LARGE1: variants seen among roughly 807,000 people sequenced by gnomAD.
The protein encoded by LARGE1 is LARGE xylosyl- and glucuronyltransferase 1.
LARGE1 carries 43 observed loss-of-function variants against 87.6 expected under a neutral mutation model. The ratio of observed to expected loss-of-function variants is 0.49; its 90% CI spans 0.38 to 0.63. LARGE1 has a LOEUF of 0.63. LARGE1 is among the 30% of genes least tolerant of loss of function. The pLI is 0.00. For missense variants in LARGE1, 802 were observed against 1,000.2 expected (o/e 0.80, Z 2.67); for synonymous variants, 434 against 394.6 (o/e 1.10, Z -1.18).
chr22:33,751,801 TC>T (rs2084327154), intron 2 of LARGE1, among the ~76,000 whole-genome samples: 1 of 151,862 alleles, frequency 6.6e-6, no homozygotes, highest in Admixed American at 6.6e-5. Context: ...AGAGTCTTGC[TC>T]TGTTGCCCAG....
chr22:33,411,901 T>C (rs370801581), intron 7 of LARGE1, among the ~76,000 whole-genome samples: 3 of 152,340 alleles, frequency 2.0e-5, no homozygotes, highest in African/African-American at 4.8e-5. Context: ...AATATGCATA[T>C]ATACAGAGAA....
At chr22:33,400,067 C>G (rs1312518639) in intron 7 of LARGE1, among the ~76,000 whole-genome samples, 2 of 152,214 alleles carry the variant, frequency 1.3e-5, no homozygotes, top group African/African-American at 4.8e-5. Flanking sequence ...GCTCAGAAAT[C>G]CATGAAGATG....
chr22:33,209,682 G>A (rs1924859664), intron 11 of LARGE1, among the ~76,000 whole-genome samples: 1 of 152,180 alleles, frequency 6.6e-6, no homozygotes, highest in African/African-American at 2.4e-5. Context: ...GTCTCACTCT[G>A]TCTCTCAGGC....
chr22:33,772,264 C>T (rs2085094489), intron 1 of LARGE1, among the ~76,000 whole-genome samples: 1 of 151,898 alleles, frequency 6.6e-6, no homozygotes, highest in Admixed American at 6.6e-5. Context: ...ACGCAGGAGG[C>T]AGAGCCTGTA....
chr22:33,726,392 A>C (rs1314243591), intron 2 of LARGE1, among the ~76,000 whole-genome samples: 2 of 152,326 alleles, frequency 1.3e-5, no homozygotes, highest in Non-Finnish European at 2.9e-5. Flanking sequence ...ATAAAATTCC[A>C]GGAGGTGTAG....
chr22:33,435,078 T>G (rs2067218462), intron 6 of LARGE1, among the ~76,000 whole-genome samples: 1 of 152,212 alleles, frequency 6.6e-6, no homozygotes, highest in South Asian at 2.1e-4. Flanking sequence ...CTCGGCTCAC[T>G]GCAACCTTCG....
At chr22:33,649,515 G>C (rs73168598) in intron 3 of LARGE1, among the ~76,000 whole-genome samples, 2 of 152,132 alleles carry the variant, frequency 1.3e-5, no homozygotes, top group Non-Finnish European at 1.5e-5. Flanking sequence ...TGGCCATTCT[G>C]TTTAATTCTC....
intron 3 of LARGE1, among the ~76,000 whole-genome samples, chr22:33,631,784 A>G (rs1316321642): frequency 1.3e-5 from 2 of 152,244 alleles, no homozygotes; most frequent in Admixed American, 6.5e-5. Context: ...TATGTACTGT[A>G]CATAATTGCG....
At chr22:33,681,325 T>C (rs192741909) in intron 2 of LARGE1, among the ~76,000 whole-genome samples, 13 of 152,328 alleles carry the variant, frequency 8.5e-5, no homozygotes, top group African/African-American at 2.9e-4. Flanking sequence ...GGCATTGAAA[T>C]GTTAATTCAT....
At chr22:33,624,914 G>T (rs2079874510) in intron 4 of LARGE1, among the ~76,000 whole-genome samples, 2 of 152,114 alleles carry the variant, frequency 1.3e-5, no homozygotes, top group Non-Finnish European at 2.9e-5. Flanking sequence ...TATCTCAGAG[G>T]GAGAATCGCA....
At chr22:33,641,639 AG>A (rs2080436215) in intron 3 of LARGE1, among the ~76,000 whole-genome samples, 1 of 152,208 alleles carries the variant, frequency 6.6e-6, no homozygotes, top group Non-Finnish European at 1.5e-5. Flanking sequence ...CCTTGAAAAA[AG>A]GTTACAGGAA....
At chr22:33,383,546 C>A (rs997131802) in intron 8 of LARGE1, among the ~76,000 whole-genome samples, 5 of 151,904 alleles carry the variant, frequency 3.3e-5, no homozygotes, top group East Asian at 1.9e-4. Flanking sequence ...GGTGACAGAG[C>A]GAGACTCCAC....
chr22:33,722,853 C>T (rs1282688401), intron 2 of LARGE1, among the ~76,000 whole-genome samples: 1 of 152,086 alleles, frequency 6.6e-6, no homozygotes, highest in Non-Finnish European at 1.5e-5. Context: ...CCATCGAGGC[C>T]GCAGCATGGG....
chr22:33,508,247 T>C (rs908916492), intron 6 of LARGE1, among the ~76,000 whole-genome samples: 10 of 152,142 alleles, frequency 6.6e-5, no homozygotes, highest in African/African-American at 1.9e-4. Context: ...CTGAAGACTC[T>C]ACTGGTGGGT....
chr22:33,834,196 C>T (rs1371148537), intron 1 of LARGE1, among the ~76,000 whole-genome samples: 6 of 151,972 alleles, frequency 3.9e-5, no homozygotes, highest in African/African-American at 9.7e-5. Flanking sequence ...ACTACAGCAG[C>T]CAAAACGGAC....
chr22:33,146,248 A>G, the LARGE1 span, among the ~76,000 whole-genome samples: 1 of 152,338 alleles, frequency 6.6e-6, no homozygotes, highest in South Asian at 2.1e-4. Context: ...TAGAAGTGAG[A>G]GAATTTCTAA....
At chr22:33,433,649 T>G (rs1019007401) in intron 6 of LARGE1, among the ~76,000 whole-genome samples, 2 of 149,680 alleles carry the variant, frequency 1.3e-5, no homozygotes, top group Non-Finnish European at 3.0e-5. Context: ...AATTGAGGTT[T>G]AGAGAGTTTA....
At chr22:33,311,324 T>C (rs755195522) in intron 11 of LARGE1, among the ~76,000 whole-genome samples, 2 of 152,208 alleles carry the variant, frequency 1.3e-5, no homozygotes, top group South Asian at 2.1e-4. Context: ...CCACTGGCAA[T>C]AGAAGGAGGC....
intron 6 of LARGE1, among the ~76,000 whole-genome samples, chr22:33,450,776 T>C (rs2067883509): frequency 2.0e-5 from 3 of 152,132 alleles, no homozygotes; most frequent in Non-Finnish European, 2.9e-5. Context: ...CACAGATGAG[T>C]AAAGGCCAGA....
Sources: gnomAD v4.1 joint callset for allele counts (sites outside exome capture counted in the v4.1 genomes callset) on GRCh38, gnomAD v4.1.1 for gene constraint, MANE v1.5 for transcripts, NCBI Gene and HGNC (gene_info 2026-07-23, HGNC 2026-07-21) for gene names.